Variants in UVSSA observed in about 807,000 individuals in gnomAD.
The protein encoded by UVSSA is UV-stimulated scaffold protein A.
UVSSA carries 72 observed loss-of-function variants against 73.9 expected under a neutral mutation model. The observed-to-expected ratio is 0.97, with a 90% CI of 0.81 to 1.19. The LOEUF is 1.19. Ranked by LOEUF, UVSSA falls within the 50% of genes most tolerant of loss-of-function variation. The pLI is 0.00. For synonymous variants in UVSSA, 454 were observed against 391.3 expected (o/e 1.16, Z -1.89); for missense variants, 1,150 against 965.0 (o/e 1.19, Z -2.54).
chr4:1,380,273 C>A (rs777653961), intron 11 of UVSSA, 43 bp downstream of exon 11: 1 of 1,578,450 alleles, frequency 6.3e-7, no homozygotes, highest in Admixed American at 1.7e-5. Context: ...TGGGCTGGAC[C>A]AGGTGGGGCA....
At chr4:1,354,517 G>A (rs547567516) in intron 5 of UVSSA, 3 of 570,404 alleles carry the variant, frequency 5.3e-6, no homozygotes, top group Non-Finnish European at 9.5e-6. Flanking sequence ...GGAGCTGCGT[G>A]TGAGGGGAGG....
At chr4:1,366,685 G>A (rs1035747739) in intron 8 of UVSSA, among the ~76,000 whole-genome samples, 3 of 152,204 alleles carry the variant, frequency 2.0e-5, no homozygotes, top group African/African-American at 7.2e-5. Context: ...CCTGCCCCGC[G>A]GTGGGCTTCC....
At position 1,383,766 on chromosome 4, in the gene UVSSA, A is replaced by G; in HGVS notation, c.1862A>G (p.Glu621Gly). Residue 621 changes from glutamate (E) to glycine (G), a missense_variant and splice_region_variant, in exon 13 of 14, where the codon GAA (glutamate) becomes GGA (glycine). Physicochemically the swap from Glu to Gly is moderately conservative, Grantham distance 98 (BLOSUM62 -2). Coordinates refer to ENST00000389851, the MANE Select transcript of UVSSA (RefSeq NM_020894.4). ...RRQLQKQERP[E>G]WQDPELMRDV... is the part of the protein sequence containing the mutation. ...TGAAGTGCTTGAGTTTTGTTTGCAGAATGGCAGGACCCTGAGTTGATGAGA... is the reference window on the plus strand; with the variant it reads ...TGAAGTGCTTGAGTTTTGTTTGCAGGATGGCAGGACCCTGAGTTGATGAGA... 1 of 1,613,196 alleles carries G rather than the reference A, an allele frequency of 6.2e-7. No homozygotes were observed. The highest frequency in any genetic ancestry group is 1.3e-5 in the African/African-American group (1 of 75,012).
intron 8 of UVSSA, among the ~76,000 whole-genome samples, chr4:1,372,494 T>G (rs770474064): frequency 4.6e-5 from 7 of 152,174 alleles, no homozygotes; most frequent in Non-Finnish European, 7.3e-5. Context: ...TTTCTCAATT[T>G]CTGTACTATT....
Position 1,349,725 on chromosome 4 carries a change from G to GC in UVSSA, c.306dup (p.Arg103GlnfsTer20). The GC allele has an allele frequency of 1.9e-6, 3 of 1,613,578 alleles. No individual in the cohort carries two copies. The highest frequency in any genetic ancestry group is 1.1e-5 in the South Asian group (1 of 91,068). ...GCACAGACCCCGCACAGCCTCTGCC[G>GC]CCCCCCAGGGAGGCGGCACAGAGGC... On this transcript the variant is annotated frameshift_variant, in exon 3 of 14. Coordinates refer to ENST00000389851, the MANE Select transcript of UVSSA (RefSeq NM_020894.4). LOFTEE classifies it high-confidence loss of function.
intron 12 of UVSSA, 134 bp from the exon 13 acceptor site, chr4:1,383,632 G>A: frequency 9.9e-7 from 1 of 1,009,066 alleles, no homozygotes; most frequent in Non-Finnish European, 1.5e-6. Context: ...GCTTGCTGCT[G>A]CCAGGGTACG....
intron 7 of UVSSA, 71 bp from the exon 8 acceptor site, chr4:1,366,249 C>T: frequency 8.1e-7 from 1 of 1,229,938 alleles, no homozygotes; most frequent in Middle Eastern, 2.0e-4. Context: ...ATTTCCAGGG[C>T]TCTGCCCACC....
rs890037028 is a variant in UVSSA, at chr4:1,380,950, G to A, written c.1823G>A (p.Arg608His). 35 of 1,612,830 alleles carry A rather than the reference G, an allele frequency of 2.2e-5. No homozygotes were observed. The highest frequency in any genetic ancestry group is 1.6e-4 in the Middle Eastern group (1 of 6,072). ...GRPLDPEDRAREQRRQLQKQE... is the reference protein window; with the variant it reads ...GRPLDPEDRAHEQRRQLQKQE... ...CCGCTCGACCCGGAAGACAGGGCTC[G>A]TGAGCAGCGGCGGCAGCTGCAGAAG... Residue 608 changes from arginine (R) to histidine (H), a missense_variant, in exon 12 of 14, where the codon CGT (arginine) becomes CAT (histidine). Arg to His is a conservative substitution (Grantham distance 29). Transcript: ENST00000389851.
At chr4:1,362,062 A>C (rs1278691426) in intron 7 of UVSSA, among the ~76,000 whole-genome samples, 1 of 152,116 alleles carries the variant, frequency 6.6e-6, no homozygotes, top group African/African-American at 2.4e-5. Context: ...CTTCTCAAAT[A>C]ATTAGTAACC....
At position 1,348,074 on chromosome 4, in the gene UVSSA, C is replaced by T; in HGVS notation, c.-2-16C>T. On this transcript the variant is annotated splice_polypyrimidine_tract_variant and intron_variant, in intron 1 of 13. Coordinates refer to ENST00000389851, the MANE Select transcript of UVSSA (RefSeq NM_020894.4). ...TACAGATGGTGATATAGCATCTCTGCCTTACTTATTTCTAGATATGGATCA... is the reference window on the plus strand; with the variant it reads ...TACAGATGGTGATATAGCATCTCTGTCTTACTTATTTCTAGATATGGATCA... The T allele has an allele frequency of 1.9e-6, 3 of 1,590,480 alleles. No individual in the cohort carries two copies. The highest frequency in any genetic ancestry group is 2.6e-6 in the Non-Finnish European group (3 of 1,159,228).
At chr4:1,354,555 TC>T (rs1361718281) in intron 5 of UVSSA, 179 bp from the exon 6 acceptor site, 6 of 605,326 alleles carry the variant, frequency 9.9e-6, no homozygotes, top group African/African-American at 7.4e-5. Flanking sequence ...AGTGTTCTTT[TC>T]TAAGATAATA....
intron 8 of UVSSA, among the ~76,000 whole-genome samples, chr4:1,372,222 A>C (rs1337629152): frequency 1.3e-5 from 2 of 152,198 alleles, no homozygotes; most frequent in Admixed American, 6.5e-5. Flanking sequence ...TTCTTTAGAC[A>C]GCATGTTGCT....
chr4:1,385,881 A>G lies in UVSSA; in HGVS notation c.2050A>G (p.Arg684Gly). The change falls in exon 14 of 14, where the codon AGG becomes GGG. Residue 684 changes from arginine to glycine, a missense_variant. Coordinates refer to ENST00000389851, the MANE Select transcript of UVSSA (RefSeq NM_020894.4). The part of the protein sequence containing the change: ...RKVFAKAAVR[R>G]VVAAMNRMDQ... Reference sequence around the variant, plus strand: ...GTTTCCCCACAGGGCAGCTGTGCGGAGGGTAGTGGCAGCCATGAACCGGAT... The same window carrying G: ...GTTTCCCCACAGGGCAGCTGTGCGGGGGGTAGTGGCAGCCATGAACCGGAT... The G allele has an allele frequency of 1.9e-6, 3 of 1,614,012 alleles. No homozygotes were observed. Among genetic ancestry groups the G allele is most frequent in the Non-Finnish European group, 2.5e-6 (3 of 1,180,010 alleles).
chr4:1,379,425 G>A (rs912096066), intron 10 of UVSSA, among the ~76,000 whole-genome samples: 60 of 152,326 alleles, frequency 3.9e-4, no homozygotes, highest in Admixed American at 8.5e-4. Flanking sequence ...GGCATCCGCC[G>A]GAAAGCGTCC....
At chr4:1,377,829 C>T (rs1334339990) in intron 10 of UVSSA, among the ~76,000 whole-genome samples, 1 of 152,266 alleles carries the variant, frequency 6.6e-6, no homozygotes, top group Non-Finnish European at 1.5e-5. Context: ...ATGTTTCCCC[C>T]AACTGCCTGC....
chr4:1,354,218 G>T (rs1037087421), intron 5 of UVSSA, among the ~76,000 whole-genome samples: 1 of 152,246 alleles, frequency 6.6e-6, no homozygotes, highest in African/African-American at 2.4e-5. Flanking sequence ...GCTGCTGCAA[G>T]CCTGGGCTGT....
intron 10 of UVSSA, among the ~76,000 whole-genome samples, chr4:1,377,237 A>G (rs781327127): frequency 9.9e-5 from 15 of 152,102 alleles, no homozygotes; most frequent in African/African-American, 3.6e-4. Context: ...ATGCCCAGGA[A>G]CGGGCCCCGA....
At chr4:1,373,560 G>A (rs1019312275) in intron 8 of UVSSA, among the ~76,000 whole-genome samples, 15 of 152,044 alleles carry the variant, frequency 9.9e-5, no homozygotes, top group African/African-American at 2.4e-4. Context: ...TAACCGTCTC[G>A]GGCCATGGTG....
chr4:1,381,640 C>A (rs771578893), intron 12 of UVSSA, among the ~76,000 whole-genome samples: 1 of 152,064 alleles, frequency 6.6e-6, no homozygotes, highest in African/African-American at 2.4e-5. Flanking sequence ...TTTTTAGAGG[C>A]CCTGGCCAGC....
Sources: allele counts gnomAD v4.1 joint callset (sites outside exome capture counted in the v4.1 genomes callset), GRCh38; gene constraint gnomAD v4.1.1; transcripts MANE v1.5; gene names NCBI Gene and HGNC (gene_info 2026-07-23, HGNC 2026-07-21).